IGSF5: variants seen among roughly 807,000 people sequenced by gnomAD.
IGSF5 encodes the protein immunoglobulin superfamily member 5, also known as immunoglobulin superfamily 5 like.
Under a neutral mutation model 39.4 loss-of-function variants are expected in IGSF5, and 41 were observed. The observed-to-expected ratio is 1.04, with a 90% CI of 0.81 to 1.35. The LOEUF is 1.35. Among genes scored for constraint, IGSF5 ranks in the 40% most tolerant of loss-of-function variants. The pLI is 0.00. For missense variants in IGSF5, 487 were observed against 494.6 expected, an observed-to-expected ratio of 0.98 and a Z score of 0.15; for synonymous variants, 183 against 175.3, an observed-to-expected ratio of 1.04 and a Z score of -0.34.
At chr21:39,737,315 A>G in the IGSF5 span, among the ~76,000 whole-genome samples, 6 of 152,068 alleles carry the variant, frequency 3.9e-5, no homozygotes, top group Admixed American at 3.9e-4. Context: ...GGTTCTCCCC[A>G]CCACCGAGCA....
At chr21:39,778,949 G>C in intron 4 of IGSF5, 141 bp from the exon 5 acceptor site, 1 of 884,720 alleles carries the variant, frequency 1.1e-6, no homozygotes, top group Non-Finnish European at 1.7e-6. Context: ...CACATTGAAA[G>C]AAACTTGGCC....
At chr21:39,792,641 G>C (rs2086972148) in intron 7 of IGSF5, among the ~76,000 whole-genome samples, 1 of 152,084 alleles carries the variant, frequency 6.6e-6, no homozygotes, top group South Asian at 2.1e-4. Context: ...ATTTCAAGTA[G>C]AGTCAAGTAA....
rs143743565 is a variant in IGSF5 at position 39,779,223 on chromosome 21, A to G, written c.852A>G (p.Thr284=). 13 of 1,613,626 alleles carry G rather than the reference A, an allele frequency of 8.1e-6. No homozygotes were observed. The African/African-American group carries it at 1.2e-4, about 15-fold the overall frequency. The change falls in exon 5 of 9, where the codon ACA becomes ACG. Residue 284 remains threonine, a synonymous_variant. Coordinates refer to ENST00000380588, the MANE Select transcript of IGSF5 (RefSeq NM_001080444.2). ...TTCTGACGCCGACGTGTACTCTTAC[A>G]ATACGCTGCTGCTGCTGCCGCCGTC... ...TMLLTPTCTL[T]IRCCCCRRRC... is the part of the protein sequence containing the mutation.
upstream of IGSF5, among the ~76,000 whole-genome samples, chr21:39,742,840 G>A (rs1038106914): frequency 1.3e-5 from 2 of 151,972 alleles, no homozygotes; most frequent in Non-Finnish European, 2.9e-5. Context: ...TTATAAAAAA[G>A]CGAGGTTGCC....
At chr21:39,765,051 T>C (rs953522726) in intron 2 of IGSF5, among the ~76,000 whole-genome samples, 3 of 152,300 alleles carry the variant, frequency 2.0e-5, no homozygotes, top group East Asian at 1.9e-4. Flanking sequence ...TGCCATTCCT[T>C]GGCTTGTAGA....
intron 2 of IGSF5, among the ~76,000 whole-genome samples, chr21:39,750,501 C>A (rs1452605907): frequency 1.1e-5 from 1 of 94,048 alleles, no homozygotes; most frequent in East Asian, 3.6e-4. Flanking sequence ...GAGCAAGACA[C>A]TGTCTCCAGA....
chr21:39,719,563 G>A, the IGSF5 span, among the ~76,000 whole-genome samples: 1 of 151,996 alleles, frequency 6.6e-6, no homozygotes, highest in Non-Finnish European at 1.5e-5. Flanking sequence ...TCCAGGTCTT[G>A]TTCAGGCTGA....
chr21:39,771,175 G>A lies in IGSF5; in HGVS notation c.678G>A (p.Lys226=). 1 of 1,597,344 alleles carries A rather than the reference G, an allele frequency of 6.3e-7. No homozygotes were observed. Among genetic ancestry groups the A allele is most frequent in the Non-Finnish European group, 8.5e-7 (1 of 1,169,802 alleles). ...VATWKSLKAR[K]SATVNLTVIR... ...CCTGGAAGAGCCTGAAGGCCCGCAA[G>A]TCTGCAACTGTAAATCTCACTGTGA... Residue 226 remains lysine (K), a synonymous_variant, in exon 4 of 9, where the codon AAG becomes AAA. Transcript: ENST00000380588.
intron 5 of IGSF5, among the ~76,000 whole-genome samples, chr21:39,779,909 T>C (rs924054909): frequency 2.6e-4 from 39 of 151,570 alleles, no homozygotes; most frequent in East Asian, 1.9e-3. Context: ...GGAATGGGGG[T>C]TGGGGAGATG....
intron 2 of IGSF5, among the ~76,000 whole-genome samples, chr21:39,761,059 C>T (rs1030090006): frequency 1.3e-5 from 2 of 152,100 alleles, no homozygotes; most frequent in Non-Finnish European, 2.9e-5. Context: ...AAAACAGACA[C>T]ATAGACCAAT....
the IGSF5 span, among the ~76,000 whole-genome samples, chr21:39,733,575 G>A: frequency 6.6e-6 from 1 of 152,270 alleles, no homozygotes; most frequent in African/African-American, 2.4e-5. Flanking sequence ...AGGCTACTTG[G>A]TTAAGTGGTC....
intron 2 of IGSF5, among the ~76,000 whole-genome samples, chr21:39,747,306 A>G (rs1419907885): frequency 2.6e-5 from 4 of 152,238 alleles, no homozygotes; most frequent in African/African-American, 9.6e-5. Context: ...ACCAGAGAAC[A>G]GTATGGGGAA....
intron 5 of IGSF5, among the ~76,000 whole-genome samples, chr21:39,782,636 G>A (rs1473776574): frequency 1.3e-5 from 2 of 152,300 alleles, no homozygotes; most frequent in South Asian, 4.1e-4. Context: ...CATACAGAGT[G>A]ATATTTTGAT....
At position 39,769,412 on chromosome 21, in the gene IGSF5, A is replaced by G. The variant is rs191684946; in HGVS notation, c.419-1504A>G. ...AACTTGGGAGGCGGAGGTTGCCGTG[A>G]GCCAACATGGCACCATTGCACTCCA... On this transcript the variant is annotated intron_variant, in intron 3 of 8. Transcript: ENST00000380588. Among the ~76,000 whole-genome samples, 269 of 144,730 alleles carry G rather than the reference A, an allele frequency of 1.9e-3. 3 individuals are homozygous for G. Among genetic ancestry groups the G allele is most frequent in the African/African-American group, 6.3e-3 (248 of 39,468 alleles). The allele number at this position is 144,730 out of a possible 152,430, so 94.9% of individuals were successfully genotyped here. A position where few individuals can be genotyped will look rare whatever the true frequency, so the allele number is the denominator to read the frequency against.
At chr21:39,728,706 C>T in the IGSF5 span, among the ~76,000 whole-genome samples, 8 of 152,152 alleles carry the variant, frequency 5.3e-5, no homozygotes, top group South Asian at 2.1e-4. Context: ...ATAACCTCTA[C>T]GCTGTGCAAA....
chr21:39,765,945 G>A (rs894212576), intron 3 of IGSF5, 93 bp downstream of exon 3: 39 of 1,148,998 alleles, frequency 3.4e-5, no homozygotes, highest in South Asian at 8.9e-5. Context: ...GATGGCAGAC[G>A]TGGTCTACCT....
chr21:39,758,693 G>A (rs4816654), intron 2 of IGSF5, among the ~76,000 whole-genome samples: 1 of 152,052 alleles, frequency 6.6e-6, no homozygotes, highest in Non-Finnish European at 1.5e-5. Context: ...ACTTTCTATG[G>A]GAAAGGCATA....
rs1033361499 is a variant in IGSF5, at chr21:39,782,240, T to A, written c.934+2935T>A. ...TACTGTTTTAATTATAGAAGTTTTATAGTATGTTTTAATGTCTCCTTGGGT... is the reference window on the plus strand; with the variant it reads ...TACTGTTTTAATTATAGAAGTTTTAAAGTATGTTTTAATGTCTCCTTGGGT... On this transcript the variant is annotated intron_variant, in intron 5 of 8. Coordinates refer to ENST00000380588, the MANE Select transcript of IGSF5 (RefSeq NM_001080444.2). 2.6e-5 allele frequency among the ~76,000 whole-genome samples: 4 copies of A among 152,242 alleles called. No homozygotes were observed. In the South Asian group the frequency reaches 8.3e-4, roughly 31 times the overall value.
At chr21:39,712,639 A>C in the IGSF5 span, among the ~76,000 whole-genome samples, 8 of 152,046 alleles carry the variant, frequency 5.3e-5, no homozygotes, top group Admixed American at 1.3e-4. Flanking sequence ...CTTCCCTGTC[A>C]CCACAGCTGC....
Sources: allele counts gnomAD v4.1 joint callset (sites outside exome capture counted in the v4.1 genomes callset), GRCh38; gene constraint gnomAD v4.1.1; transcripts MANE v1.5; gene names NCBI Gene and HGNC (gene_info 2026-07-23, HGNC 2026-07-21).